The following NRXN3 variants were observed in gnomAD, a reference collection of about 807,000 sequenced individuals.
NRXN3 encodes the protein neurexin III.
NRXN3 carries 32 observed loss-of-function variants against 137.6 expected under a neutral mutation model. The observed-to-expected ratio is 0.23, with a 90% CI of 0.18 to 0.31. NRXN3 has a LOEUF of 0.31. NRXN3 is among the 10% of genes least tolerant of loss of function. The pLI is 1.00. For missense variants in NRXN3, 1,574 were observed against 2,062.5 expected, an observed-to-expected ratio of 0.76 and a Z score of 4.59; for synonymous variants, 798 against 784.5, an observed-to-expected ratio of 1.02 and a Z score of -0.29.
rs200730720 is a variant in NRXN3 at position 79,447,350 on chromosome 14, T to TA, written c.3263-19862dup. Among the ~76,000 whole-genome samples the TA allele has an allele frequency of 6.7e-3, 1,012 of 151,594 alleles. 14 individuals carry two copies. The highest frequency in any genetic ancestry group is 0.023 in the African/African-American group (961 of 41,356). On this transcript the variant is annotated intron_variant, in intron 15 of 20. Transcript: ENST00000335750. ...TTCTGCCAATGTGTTAAAGTATTTG[T>TA]AAAAAAAAATAAAATAAATGGCTTT...
chr14:79,691,532 A>AAGAT (rs2098716581), intron 17 of NRXN3, among the ~76,000 whole-genome samples: 1 of 152,082 alleles, frequency 6.6e-6, no homozygotes, highest in South Asian at 2.1e-4. Context: ...CAAATCTGGA[A>AAGAT]AGATAGTGAT....
At chr14:79,668,578 G>A (rs1382485179) in intron 17 of NRXN3, among the ~76,000 whole-genome samples, 1 of 152,090 alleles carries the variant, frequency 6.6e-6, no homozygotes, top group Non-Finnish European at 1.5e-5. Flanking sequence ...TATTAATAAT[G>A]ACAGTATTTC....
intron 5 of NRXN3, among the ~76,000 whole-genome samples, chr14:78,646,951 T>G (rs1327093328): frequency 6.6e-6 from 1 of 152,168 alleles, no homozygotes; most frequent in African/African-American, 2.4e-5. Context: ...AAATACAACC[T>G]TTTGCTAGTT....
chr14:79,847,741 A>C (rs897489718), intron 20 of NRXN3, among the ~76,000 whole-genome samples: 2 of 152,192 alleles, frequency 1.3e-5, no homozygotes, highest in Admixed American at 6.5e-5. Context: ...ACAATCTGAC[A>C]GACCTTAGAA....
At chr14:79,023,747 G>A (rs996915218) in intron 15 of NRXN3, among the ~76,000 whole-genome samples, 3 of 152,054 alleles carry the variant, frequency 2.0e-5, no homozygotes, top group Non-Finnish European at 2.9e-5. Flanking sequence ...CAGATCTCAA[G>A]AGAACTCACT....
intron 15 of NRXN3, among the ~76,000 whole-genome samples, chr14:79,058,279 T>A (rs955760256): frequency 7.2e-5 from 11 of 152,112 alleles, no homozygotes; most frequent in African/African-American, 2.7e-4. Flanking sequence ...TCCAACAGTA[T>A]CAGGAAGTCC....
intron 15 of NRXN3, among the ~76,000 whole-genome samples, chr14:79,428,858 G>A (rs1474243977): frequency 6.6e-6 from 1 of 152,192 alleles, no homozygotes; most frequent in Non-Finnish European, 1.5e-5. Flanking sequence ...GTAGGAATTA[G>A]CAAGGATGGG....
chr14:78,533,680 T>A (rs1207984634), intron 4 of NRXN3, among the ~76,000 whole-genome samples: 1 of 152,240 alleles, frequency 6.6e-6, no homozygotes, highest in East Asian at 1.9e-4. Flanking sequence ...CCTATTTTCT[T>A]AGTTAACTCG....
At chr14:79,146,377 T>C (rs997791091) in intron 15 of NRXN3, among the ~76,000 whole-genome samples, 4 of 152,064 alleles carry the variant, frequency 2.6e-5, no homozygotes, top group East Asian at 1.9e-4. Flanking sequence ...CTTGAGTGTA[T>C]GTATGGGAGG....
chr14:78,788,324 T>C (rs7147459), intron 8 of NRXN3, among the ~76,000 whole-genome samples: 1 of 152,060 alleles, frequency 6.6e-6, no homozygotes, highest in East Asian at 1.9e-4. Flanking sequence ...CATACTTCAG[T>C]GTTTTCCTTT....
intron 14 of NRXN3, among the ~76,000 whole-genome samples, chr14:78,976,800 GT>G (rs1214621396): frequency 1.3e-5 from 2 of 152,150 alleles, no homozygotes; most frequent in Non-Finnish European, 2.9e-5. Flanking sequence ...AATGCATCTT[GT>G]TTCTGGACTC....
At chr14:79,692,023 G>A (rs1567906442) in intron 17 of NRXN3, 150 bp from the exon 18 acceptor site, 1 of 584,756 alleles carries the variant, frequency 1.7e-6, no homozygotes, top group Non-Finnish European at 2.9e-6. Context: ...TATCGACCAA[G>A]GGCAGAGTGA....
chr14:78,796,712 T>C (rs941798026), intron 8 of NRXN3, among the ~76,000 whole-genome samples: 4 of 152,112 alleles, frequency 2.6e-5, no homozygotes, highest in African/African-American at 9.7e-5. Context: ...CAGGGCAGAT[T>C]TGAAAGCATT....
At chr14:79,619,266 G>A (rs1255381451) in intron 16 of NRXN3, among the ~76,000 whole-genome samples, 1 of 152,068 alleles carries the variant, frequency 6.6e-6, no homozygotes, top group Non-Finnish European at 1.5e-5. Flanking sequence ...ATTTAGTTGT[G>A]CATTCTTTGC....
At chr14:78,254,670 T>C (rs2069220087) in intron 2 of NRXN3, among the ~76,000 whole-genome samples, 2 of 118,536 alleles carry the variant, frequency 1.7e-5, no homozygotes, top group Admixed American at 9.1e-5. Flanking sequence ...AGAGTGAGAC[T>C]CCATCTCCAA....
intron 15 of NRXN3, among the ~76,000 whole-genome samples, chr14:79,078,256 T>C (rs1391844597): frequency 6.6e-6 from 1 of 152,130 alleles, no homozygotes; most frequent in Non-Finnish European, 1.5e-5. Context: ...TCAAGATACT[T>C]TGGTGTCAAA....
intron 16 of NRXN3, among the ~76,000 whole-genome samples, chr14:79,518,423 C>T (rs1021355390): frequency 1.3e-5 from 2 of 151,918 alleles, no homozygotes; most frequent in African/African-American, 4.8e-5. Flanking sequence ...TCATATGTCT[C>T]ATATTTTGTT....
intron 15 of NRXN3, among the ~76,000 whole-genome samples, chr14:79,440,057 G>A (rs1466506552): frequency 2.0e-5 from 3 of 152,172 alleles, no homozygotes; most frequent in Non-Finnish European, 4.4e-5. Context: ...TGCATTTACT[G>A]CTAAAAACAA....
rs866618823 is a variant in NRXN3, at chr14:78,926,752, T to A, written c.2276-30490T>A. On this transcript the variant is annotated intron_variant, in intron 10 of 20. Transcript: ENST00000335750. ...ATAATATAAAATATATATTATATAT[T>A]ATATATATATTATATATATTATATA... Among the ~76,000 whole-genome samples, 137 of 53,238 alleles carry A rather than the reference T, an allele frequency of 2.6e-3. 22 individuals are homozygous for A. Among genetic ancestry groups the A allele is most frequent in the African/African-American group, 0.018 (133 of 7,252 alleles). 34.9% of individuals were successfully genotyped at this position (53,238 alleles called of 152,430 possible).
Sources: gnomAD v4.1 joint callset for allele counts (sites outside exome capture counted in the v4.1 genomes callset) on GRCh38, gnomAD v4.1.1 for gene constraint, MANE v1.5 for transcripts, NCBI Gene and HGNC (gene_info 2026-07-23, HGNC 2026-07-21) for gene names.